Variants in SERPINB11 observed in about 807,000 individuals in gnomAD.
SERPINB11 encodes the protein serpin family B member 11, also known as serpin B11.
In SERPINB11, 32 loss-of-function variants were observed where a neutral mutation model predicts 36.7. The ratio of observed to expected loss-of-function variants is 0.87; its 90% CI spans 0.66 to 1.17. SERPINB11 has a LOEUF of 1.17. Ranked by LOEUF, SERPINB11 falls within the 50% of genes most tolerant of loss-of-function variation. SERPINB11 has a pLI of 0.00. For missense variants in SERPINB11, 528 were observed against 458.4 expected (o/e 1.15, Z -1.39); for synonymous variants, 174 against 168.1 (o/e 1.04, Z -0.27).
At chr18:63,706,856 C>A (rs538467154) in intron 1 of SERPINB11, among the ~76,000 whole-genome samples, 1 of 152,314 alleles carries the variant, frequency 6.6e-6, no homozygotes, top group East Asian at 1.9e-4. Context: ...TCCTTCTTCT[C>A]TGAAATCCTG....
intron 5 of SERPINB11, among the ~76,000 whole-genome samples, chr18:63,718,106 C>T (rs982957939): frequency 6.6e-6 from 1 of 151,906 alleles, no homozygotes; most frequent in African/African-American, 2.4e-5. Flanking sequence ...AATTAGATGA[C>T]CATATGTGTG....
At position 63,720,912 on chromosome 18, in the gene SERPINB11, C is replaced by G. The variant is rs376671929; in HGVS notation, c.700C>G (p.Leu234Val). Residue 234 changes from leucine (L) to valine (V), a missense_variant, in exon 7 of 8, where the codon CTT (leucine) becomes GTT (valine). Coordinates refer to ENST00000544088, the MANE Select transcript of SERPINB11 (RefSeq NM_001370475.1). The stretch of plus-strand genomic sequence containing the variant: ...TGTAAAGGAGCCGCAGATGCAAGTT[C>G]TTGAGCTGCCCTACGTTAACAACAA... ...AFVKEPQMQV[L>V]ELPYVNNKLS... 2 of 1,604,504 alleles carry G rather than the reference C, an allele frequency of 1.2e-6. No homozygotes were observed. Among genetic ancestry groups the G allele is most frequent in the East Asian group, 4.5e-5 (2 of 44,664 alleles).
intron 7 of SERPINB11, among the ~76,000 whole-genome samples, chr18:63,722,678 C>G (rs188240622): frequency 6.6e-6 from 1 of 152,100 alleles, no homozygotes; most frequent in Non-Finnish European, 1.5e-5. Flanking sequence ...AGTCCATCCA[C>G]GAAACAGGAC....
rs761408503 is a variant in SERPINB11 at position 63,710,334 on chromosome 18, G to T, written c.141G>T (p.Arg47Ser). ...YALSMVLLGA[R>S]GETEEQLEKV... ...TAAGCATGGTCCTCCTTGGTGCCAGGGGAGAGACTGAAGAGCAATTGGAGA... is the reference window on the plus strand; with the variant it reads ...TAAGCATGGTCCTCCTTGGTGCCAGTGGAGAGACTGAAGAGCAATTGGAGA... The change falls in exon 2 of 8, where the codon AGG (arginine) becomes AGT (serine). Residue 47 changes from arginine (R) to serine (S), a missense_variant. By Grantham distance (110) the Arg-to-Ser change is moderately radical. Coordinates refer to ENST00000544088, the MANE Select transcript of SERPINB11 (RefSeq NM_001370475.1). The T allele has an allele frequency of 5.0e-6, 8 of 1,612,974 alleles. No individual in the cohort carries two copies. In the African/African-American group the frequency reaches 9.3e-5, roughly 19 times the overall value.
chr18:63,717,009 A>G (rs776463194), intron 5 of SERPINB11, among the ~76,000 whole-genome samples: 2 of 152,132 alleles, frequency 1.3e-5, no homozygotes, highest in African/African-American at 2.4e-5. Flanking sequence ...GTTGTTAGAA[A>G]GAGGCACTGC....
chr18:63,710,157 AT>A (rs1914478811), intron 1 of SERPINB11, 21 bp from the exon 2 acceptor site: 9 of 1,560,140 alleles, frequency 5.8e-6, no homozygotes, highest in East Asian at 2.3e-5. Context: ...TGTTCTGAGA[AT>A]TTTTTCCCTT....
intron 5 of SERPINB11, 41 bp from the exon 6 acceptor site, chr18:63,719,972 G>A (rs1914760433): frequency 6.6e-7 from 1 of 1,511,598 alleles, no homozygotes; most frequent in Admixed American, 2.0e-5. Context: ...CTATTATCAG[G>A]AGTTCAAATC....
intron 1 of SERPINB11, among the ~76,000 whole-genome samples, chr18:63,707,380 G>C (rs908423029): frequency 4.6e-5 from 7 of 152,174 alleles, no homozygotes; most frequent in African/African-American, 1.7e-4. Context: ...GCTATGTGGG[G>C]TGTGATCTCT....
chr18:63,715,513 T>C (rs1400677279), intron 4 of SERPINB11, among the ~76,000 whole-genome samples: 1 of 152,224 alleles, frequency 6.6e-6, no homozygotes, highest in Non-Finnish European at 1.5e-5. Context: ...TTTACATAAA[T>C]TTGACAGAAA....
intron 5 of SERPINB11, among the ~76,000 whole-genome samples, chr18:63,718,687 G>C (rs544418096): frequency 6.6e-6 from 1 of 151,966 alleles, no homozygotes; most frequent in African/African-American, 2.4e-5. Context: ...TAAGGACAAT[G>C]CTTTCTAATA....
At chr18:63,703,893 G>T (rs1362927578) in intron 1 of SERPINB11, among the ~76,000 whole-genome samples, 1 of 152,130 alleles carries the variant, frequency 6.6e-6, no homozygotes, top group African/African-American at 2.4e-5. Flanking sequence ...AACCTCAAAG[G>T]GCTACAGTGA....
intron 7 of SERPINB11, among the ~76,000 whole-genome samples, chr18:63,721,362 T>C (rs570969145): frequency 6.6e-6 from 1 of 152,272 alleles, no homozygotes; most frequent in East Asian, 1.9e-4. Context: ...CTGGGGGCAG[T>C]ATTTCTGAGC....
chr18:63,705,631 A>C (rs1051602886), intron 1 of SERPINB11: 7 of 152,248 alleles, frequency 4.6e-5, no homozygotes, highest in Non-Finnish European at 7.3e-5. Context: ...TCAAATAAAC[A>C]GACTAATAAA....
intron 4 of SERPINB11, among the ~76,000 whole-genome samples, chr18:63,715,192 C>G (rs112145841): frequency 1.3e-5 from 2 of 152,084 alleles, no homozygotes; most frequent in Admixed American, 6.6e-5. Context: ...GGCATTGAGT[C>G]CCACTGGGCT....
At chr18:63,716,299 C>G in intron 5 of SERPINB11, 147 bp downstream of exon 5, 1 of 507,400 alleles carries the variant, frequency 2.0e-6, no homozygotes, top group Non-Finnish European at 3.5e-6. Flanking sequence ...TTGGAATACC[C>G]CTTACAATCA....
chr18:63,720,549 C>G (rs1270409375), intron 6 of SERPINB11: 1 of 385,730 alleles, frequency 2.6e-6, no homozygotes, highest in Non-Finnish European at 4.5e-6. Context: ...CCTTTTTCTT[C>G]CCACTAAAAT....
rs1356845174 is a variant in SERPINB11 at position 63,723,513 on chromosome 18, C to T, written c.*114C>T. 10 of 938,732 alleles carry T rather than the reference C, an allele frequency of 1.1e-5. No homozygotes were observed. The highest frequency in any genetic ancestry group is 4.9e-4 in the Middle Eastern group (2 of 4,074). The allele number at this position is 938,732 out of a possible 1,614,324, so 58.2% of individuals were successfully genotyped here. On this transcript the variant is annotated 3_prime_UTR_variant, in exon 8 of 8. Coordinates refer to ENST00000544088, the MANE Select transcript of SERPINB11 (RefSeq NM_001370475.1). ...TCACACACCTCTGTGCCTCAGTTTG[C>T]TCATCTGCAAAATAGGTCTAGGATT...
intron 3 of SERPINB11, 57 bp downstream of exon 3, chr18:63,711,451 A>T: frequency 7.5e-7 from 1 of 1,325,920 alleles, no homozygotes; most frequent in South Asian, 1.2e-5. Flanking sequence ...AGGATGAAAT[A>T]ATAGTCTGGG....
chr18:63,723,212 C>T lies in SERPINB11; in HGVS notation c.992C>T (p.Ala331Val). ...ACCAAGGGCCTATATTTATCAAAAG[C>T]CATCCACAAGTCATACCTGGATGTC... Reference protein sequence around the residue: ...SPTKGLYLSKAIHKSYLDVSE... With the variant: ...SPTKGLYLSKVIHKSYLDVSE... Residue 331 changes from alanine (A) to valine (V), a missense_variant, in exon 8 of 8, where the codon GCC becomes GTC. By Grantham distance (64) the Ala-to-Val change is moderately conservative. Coordinates refer to ENST00000544088, the MANE Select transcript of SERPINB11 (RefSeq NM_001370475.1). 1 of 1,613,802 alleles carries T rather than the reference C, an allele frequency of 6.2e-7. No homozygotes were observed. The highest frequency in any genetic ancestry group is 8.5e-7 in the Non-Finnish European group (1 of 1,179,818).
Sources: gnomAD v4.1 joint callset for allele counts (sites outside exome capture counted in the v4.1 genomes callset) on GRCh38, gnomAD v4.1.1 for gene constraint, MANE v1.5 for transcripts, NCBI Gene and HGNC (gene_info 2026-07-23, HGNC 2026-07-21) for gene names.